Variants in KANK1 observed in about 807,000 individuals in gnomAD.
KANK1 encodes KN motif and ankyrin repeat domains 1, also known as KN motif and ankyrin repeat domain-containing protein 1.
KANK1 carries 109 observed loss-of-function variants against 106.2 expected under a neutral mutation model. The ratio of observed to expected loss-of-function variants is 1.03; its 90% CI spans 0.88 to 1.20. The LOEUF is 1.20. Among genes scored for constraint, KANK1 ranks in the 50% most tolerant of loss-of-function variants. The pLI is 0.00. For missense variants in KANK1, 2,399 were observed against 1,710.7 expected (o/e 1.40, Z -7.10); for synonymous variants, 873 against 652.2 (o/e 1.34, Z -5.16).
chr9:723,901 T>C (rs561386773), intron 3 of KANK1, among the ~76,000 whole-genome samples: 6 of 146,926 alleles, frequency 4.1e-5, no homozygotes, highest in South Asian at 4.3e-4. Context: ...GAGACTAGCC[T>C]GGGCAACATA....
At chr9:490,597 G>A (rs368465784) in intron 3 of KANK1, among the ~76,000 whole-genome samples, 3 of 152,104 alleles carry the variant, frequency 2.0e-5, no homozygotes, top group Admixed American at 2.0e-4. Flanking sequence ...AGATCTATTT[G>A]GACAAAATCT....
chr9:599,384 C>T (rs941911439), intron 1 of KANK1, among the ~76,000 whole-genome samples: 2 of 151,436 alleles, frequency 1.3e-5, no homozygotes, highest in African/African-American at 2.4e-5. Flanking sequence ...AGGTAAGAAC[C>T]CCACTATTCC....
intron 1 of KANK1, among the ~76,000 whole-genome samples, chr9:602,253 ATTTATTTTAT>A (rs771542263): frequency 1.3e-5 from 2 of 151,330 alleles, no homozygotes; most frequent in East Asian, 3.9e-4. Context: ...TTCCATTTTT[ATTTATTTTAT>A]TTTATTTTAT....
Position 526,948 on chromosome 9 carries a change from T to G in KANK1, c.-84+22194T>G, listed in dbSNP as rs1202630073. The stretch of plus-strand genomic sequence containing the variant: ...TAATATTAATATGATTTTTGTTTGA[T>G]TAATATATAATGTTTATAGTATTAT... On this transcript the variant is annotated intron_variant, in intron 1 of 11. Transcript: ENST00000382297. 2.6e-5 allele frequency among the ~76,000 whole-genome samples: 4 copies of G among 151,984 alleles called. No individual in the cohort carries two copies. The East Asian group carries it at 7.7e-4, about 29-fold the overall frequency.
intron 1 of KANK1, among the ~76,000 whole-genome samples, chr9:529,690 C>T (rs1044483604): frequency 9.2e-5 from 14 of 152,108 alleles, no homozygotes; most frequent in Admixed American, 6.5e-5. Flanking sequence ...ATTTTAAACT[C>T]CATATTTTGT....
intron 3 of KANK1, among the ~76,000 whole-genome samples, chr9:714,749 T>A (rs998411413): frequency 5.9e-5 from 9 of 152,136 alleles, no homozygotes; most frequent in African/African-American, 2.2e-4. Context: ...AAGCTAATAA[T>A]CAGAAAGCCA....
rs148253506 is a variant in KANK1 at position 618,615 on chromosome 9, C to G, written c.-83-58275C>G. Reference sequence around the variant, plus strand: ...ATTGCATCATTTAAAAAAACATATTCACTCCTAGGCATCTGAATCACTGCT... The same window carrying G: ...ATTGCATCATTTAAAAAAACATATTGACTCCTAGGCATCTGAATCACTGCT... On this transcript the variant is annotated intron_variant, in intron 1 of 11. Coordinates refer to ENST00000382297, the MANE Select transcript of KANK1 (RefSeq NM_015158.5). 3.3e-5 allele frequency among the ~76,000 whole-genome samples: 5 copies of G among 152,136 alleles called. 1 individual carries two copies. The highest frequency in any genetic ancestry group is 9.7e-5 in the African/African-American group (4 of 41,424).
At chr9:678,375 T>G (rs1391727367) in intron 2 of KANK1, among the ~76,000 whole-genome samples, 1 of 152,204 alleles carries the variant, frequency 6.6e-6, no homozygotes, top group Non-Finnish European at 1.5e-5. Context: ...ATTATTTTAC[T>G]GTCATCATCA....
In KANK1 at chr9:713,440, A is replaced by C. The variant is rs78943172; in HGVS notation, c.2674A>C (p.Lys892Gln). ...AGAGCTGAGGAACCCTGACTTCCAG[A>C]AAACCAGTCTGGGTAAAATCACAGG... ...TEELRNPDFQKTSLGKITGNY... is the reference protein window; with the variant it reads ...TEELRNPDFQQTSLGKITGNY... Residue 892 changes from lysine to glutamine, a missense_variant, in exon 3 of 12, where the codon AAA becomes CAA. Coordinates refer to ENST00000382297, the MANE Select transcript of KANK1 (RefSeq NM_015158.5). 1.3e-6 allele frequency: 2 copies of C among 1,598,674 alleles called. No individual in the cohort carries two copies. Among genetic ancestry groups the C allele is most frequent in the Non-Finnish European group, 1.7e-6 (2 of 1,173,676 alleles).
chr9:667,108 T>C (rs1472591687), intron 1 of KANK1, among the ~76,000 whole-genome samples: 1 of 151,856 alleles, frequency 6.6e-6, no homozygotes, highest in South Asian at 2.1e-4. Flanking sequence ...GTTTTAATTA[T>C]AGCTTTGATC....
chr9:627,697 T>G (rs1434934821), intron 1 of KANK1, among the ~76,000 whole-genome samples: 2 of 152,216 alleles, frequency 1.3e-5, no homozygotes, highest in Non-Finnish European at 2.9e-5. Context: ...AGGTATGAGT[T>G]TCAGGGGGAC....
At chr9:546,094 G>A (rs1305661082) in intron 1 of KANK1, among the ~76,000 whole-genome samples, 1 of 152,102 alleles carries the variant, frequency 6.6e-6, no homozygotes, top group Non-Finnish European at 1.5e-5. Context: ...TTTCTGGATG[G>A]ACACAGTCCC....
At chr9:592,037 T>C (rs552660653) in intron 1 of KANK1, among the ~76,000 whole-genome samples, 19 of 151,916 alleles carry the variant, frequency 1.3e-4, no homozygotes, top group African/African-American at 4.6e-4. Context: ...AGGGACCTTG[T>C]CTGTGTTGAC....
At chr9:514,038 A>G (rs977881146) in intron 1 of KANK1, among the ~76,000 whole-genome samples, 3 of 151,692 alleles carry the variant, frequency 2.0e-5, no homozygotes, top group African/African-American at 7.3e-5. Context: ...GAAATGAAAC[A>G]TAAATACTGT....
chr9:675,836 T>C (rs1322705362), intron 1 of KANK1, among the ~76,000 whole-genome samples: 1 of 152,210 alleles, frequency 6.6e-6, no homozygotes, highest in Non-Finnish European at 1.5e-5. Flanking sequence ...CAACTGATTA[T>C]ACACACAGTT....
chr9:649,680 G>A (rs1563924941), intron 1 of KANK1, among the ~76,000 whole-genome samples: 1 of 152,186 alleles, frequency 6.6e-6, no homozygotes, highest in Non-Finnish European at 1.5e-5. Flanking sequence ...GTTGGGGCTT[G>A]AAGACTGGCA....
At chr9:577,423 G>T (rs913850842) in intron 1 of KANK1, among the ~76,000 whole-genome samples, 1 of 152,038 alleles carries the variant, frequency 6.6e-6, no homozygotes, top group Non-Finnish European at 1.5e-5. Context: ...AGCGCTGATT[G>T]GTGCGTTTTT....
intron 1 of KANK1, among the ~76,000 whole-genome samples, chr9:521,890 G>A (rs898865424): frequency 2.0e-5 from 3 of 151,448 alleles, no homozygotes; most frequent in East Asian, 3.9e-4. Flanking sequence ...TTGAATGAAC[G>A]TCTACTATGT....
chr9:672,467 T>C (rs990587931), intron 1 of KANK1, among the ~76,000 whole-genome samples: 1 of 152,220 alleles, frequency 6.6e-6, no homozygotes, highest in Non-Finnish European at 1.5e-5. Flanking sequence ...TAGTACTTAA[T>C]GTTACACTTT....
Sources: allele counts gnomAD v4.1 joint callset (sites outside exome capture counted in the v4.1 genomes callset), GRCh38; gene constraint gnomAD v4.1.1; transcripts MANE v1.5; gene names NCBI Gene and HGNC (gene_info 2026-07-23, HGNC 2026-07-21).